SAMD12: variants seen among roughly 807,000 people sequenced by gnomAD.
SAMD12 encodes the protein sterile alpha motif domain containing 12.
A neutral mutation model predicts 15.0 loss-of-function variants in SAMD12; 9 were observed. The ratio of observed to expected loss-of-function variants is 0.60; its 90% CI spans 0.36 to 1.05. SAMD12 has a LOEUF of 1.05. SAMD12 is among the 50% of genes least tolerant of loss of function. SAMD12 has a pLI of 0.01. For synonymous variants in SAMD12, 86 were observed against 90.1 expected (o/e 0.96, Z 0.25); for missense variants, 230 against 234.2 (o/e 0.98, Z 0.12).
chr8:118,327,869 T>C (rs985097242), intron 4 of SAMD12, among the ~76,000 whole-genome samples: 1 of 152,170 alleles, frequency 6.6e-6, no homozygotes, highest in Non-Finnish European at 1.5e-5. Flanking sequence ...AAGAGGAATC[T>C]TGAGCTTGAA....
intron 4 of SAMD12, among the ~76,000 whole-genome samples, chr8:118,314,908 T>C (rs1815812102): frequency 6.6e-6 from 1 of 152,246 alleles, no homozygotes; most frequent in Non-Finnish European, 1.5e-5. Context: ...CATAGGTTTT[T>C]ATTTTTTCTG....
chr8:118,561,296 A>G (rs946435514), intron 2 of SAMD12, among the ~76,000 whole-genome samples: 1 of 152,216 alleles, frequency 6.6e-6, no homozygotes, highest in African/African-American at 2.4e-5. Flanking sequence ...ACACATCTCT[A>G]TATTTTAAAT....
intron 1 of SAMD12, among the ~76,000 whole-genome samples, chr8:118,583,459 G>A (rs1256936147): frequency 3.3e-5 from 5 of 152,070 alleles, no homozygotes; most frequent in Admixed American, 3.3e-4. Flanking sequence ...CATTAATGAA[G>A]AAAAGAAAAA....
downstream of SAMD12, among the ~76,000 whole-genome samples, chr8:118,374,781 G>T (rs1287855229): frequency 6.6e-6 from 1 of 151,958 alleles, no homozygotes; most frequent in Non-Finnish European, 1.5e-5. Flanking sequence ...CCTTTTTGGA[G>T]AACTCTCTAT....
intron 4 of SAMD12, among the ~76,000 whole-genome samples, chr8:118,231,476 T>C (rs2129923726): frequency 6.6e-6 from 1 of 152,326 alleles, no homozygotes; most frequent in South Asian, 2.1e-4. Flanking sequence ...GCACTGTCAT[T>C]CAACTAGTGA....
chr8:118,598,132 G>A (rs1827769002), intron 1 of SAMD12, among the ~76,000 whole-genome samples: 1 of 152,152 alleles, frequency 6.6e-6, no homozygotes, highest in East Asian at 1.9e-4. Context: ...ATATGCATGT[G>A]TATCTCTGCA....
chr8:118,309,993 T>G (rs756581144), intron 4 of SAMD12, among the ~76,000 whole-genome samples: 6 of 152,228 alleles, frequency 3.9e-5, no homozygotes, highest in Non-Finnish European at 8.8e-5. Flanking sequence ...AAAGAAAGCT[T>G]TACAGCTTCC....
At chr8:118,278,435 T>C (rs912281112) in intron 4 of SAMD12, among the ~76,000 whole-genome samples, 1 of 152,206 alleles carries the variant, frequency 6.6e-6, no homozygotes, top group African/African-American at 2.4e-5. Flanking sequence ...CGTCCTCCTT[T>C]CTGTAGCTGA....
intron 4 of SAMD12, among the ~76,000 whole-genome samples, chr8:118,345,965 G>T (rs1817623422): frequency 6.6e-6 from 1 of 152,196 alleles, no homozygotes; most frequent in Non-Finnish European, 1.5e-5. Context: ...AAGAACAGAT[G>T]CTGGGGCTAA....
At position 118,361,852 on chromosome 8, in the gene SAMD12, T is replaced by G. The variant is rs139555356; in HGVS notation, c.433+17708A>C. On this transcript the variant is annotated intron_variant, in intron 4 of 4. Transcript: ENST00000409003. Reference sequence around the variant, plus strand: ...TTGATGTAAGAGACATTTTTCAGTTTATTCTATGAGCAAATATGATGAGCC... The same window carrying G: ...TTGATGTAAGAGACATTTTTCAGTTGATTCTATGAGCAAATATGATGAGCC... Among the ~76,000 whole-genome samples, 37 of 152,334 alleles carry G rather than the reference T, an allele frequency of 2.4e-4. No homozygotes were observed. In the East Asian group the frequency reaches 6.9e-3, roughly 29 times the overall value.
chr8:118,506,148 T>C (rs1043562141), intron 2 of SAMD12, among the ~76,000 whole-genome samples: 10 of 152,208 alleles, frequency 6.6e-5, no homozygotes, highest in Non-Finnish European at 1.5e-4. Flanking sequence ...GGCACTGACA[T>C]GAAAGAGACC....
the SAMD12 span, among the ~76,000 whole-genome samples, chr8:118,134,320 A>G: frequency 6.6e-6 from 1 of 152,250 alleles, no homozygotes; most frequent in Non-Finnish European, 1.5e-5. Flanking sequence ...AGCTGGCTGA[A>G]ATACATGTGG....
chr8:118,271,581 G>A (rs34345158), intron 4 of SAMD12, among the ~76,000 whole-genome samples: 27,497 of 152,034 alleles, frequency 0.18, 2,579 homozygotes, highest in Non-Finnish European at 0.21. Flanking sequence ...TCTCATCTGA[G>A]ACAAGGCAAG....
intron 2 of SAMD12, among the ~76,000 whole-genome samples, chr8:118,530,849 C>A (rs930907744): frequency 1.3e-5 from 2 of 152,126 alleles, no homozygotes; most frequent in African/African-American, 2.4e-5. Flanking sequence ...ACAGGTAAGT[C>A]ATTCTCCCTA....
At chr8:118,283,092 C>A (rs763175325) in intron 4 of SAMD12, among the ~76,000 whole-genome samples, 1 of 151,760 alleles carries the variant, frequency 6.6e-6, no homozygotes, top group Non-Finnish European at 1.5e-5. Flanking sequence ...CAGGACTCAC[C>A]GAGGAAAATA....
the SAMD12 span, among the ~76,000 whole-genome samples, chr8:118,148,533 T>C: frequency 1.3e-5 from 2 of 152,218 alleles, no homozygotes; most frequent in Non-Finnish European, 2.9e-5. Flanking sequence ...TTCATTGAGT[T>C]ATAATATATA....
chr8:118,558,713 C>A (rs1434900882), intron 2 of SAMD12, among the ~76,000 whole-genome samples: 1 of 152,174 alleles, frequency 6.6e-6, no homozygotes, highest in Non-Finnish European at 1.5e-5. Flanking sequence ...CGCGTGCCAC[C>A]ACGCCCGGCT....
intron 1 of SAMD12, among the ~76,000 whole-genome samples, chr8:118,618,621 C>CGAGGTTAG (rs1251953891): frequency 6.6e-6 from 1 of 151,990 alleles, no homozygotes; most frequent in Non-Finnish European, 1.5e-5. Context: ...GGGCGGATCA[C>CGAGGTTAG]GAGGTTAGGA....
intron 4 of SAMD12, among the ~76,000 whole-genome samples, chr8:118,273,000 T>C (rs957919034): frequency 6.6e-6 from 1 of 152,152 alleles, no homozygotes; most frequent in Non-Finnish European, 1.5e-5. Context: ...CCAAAGTCAC[T>C]TCCACATTTT....
Sources: gnomAD v4.1 joint callset for allele counts (sites outside exome capture counted in the v4.1 genomes callset) on GRCh38, gnomAD v4.1.1 for gene constraint, MANE v1.5 for transcripts, NCBI Gene and HGNC (gene_info 2026-07-23, HGNC 2026-07-21) for gene names.